TNIP2: variants seen among roughly 807,000 people sequenced by gnomAD.
The protein encoded by TNIP2 is TNFAIP3 interacting protein 2.
In TNIP2, 30 loss-of-function variants were observed where a neutral mutation model predicts 43.7. That is an observed-to-expected ratio of 0.69 (90% CI 0.51 to 0.93). The LOEUF (loss-of-function observed/expected upper bound fraction) is 0.93. TNIP2 is among the 40% of genes least tolerant of loss of function. TNIP2 has a pLI of 0.00. For missense variants in TNIP2, 599 were observed against 591.0 expected (o/e 1.01, Z -0.14); for synonymous variants, 260 against 254.6 (o/e 1.02, Z -0.20).
intron 1 of TNIP2, among the ~76,000 whole-genome samples, chr4:2,754,480 A>G (rs1722176443): frequency 1.3e-5 from 2 of 152,208 alleles, no homozygotes; most frequent in South Asian, 2.1e-4. Flanking sequence ...GCAGTGGCAC[A>G]ATCTCGGCTC....
rs986696953 is a variant in TNIP2 at position 2,742,097 on chromosome 4, T to C, written c.*160A>G. ...GTTCCCTGTGACCCAGCCTGTTCCA[T>C]AGCCAAAGGGACCAAAGTGAACGAT... is the stretch of plus-strand genomic sequence containing the variant. On this transcript the variant is annotated 3_prime_UTR_variant, in exon 6 of 6. Transcript: ENST00000315423. 4.5e-6 allele frequency: 3 copies of C among 672,456 alleles called. No homozygotes were observed. The highest frequency in any genetic ancestry group is 1.9e-5 in the African/African-American group (1 of 53,382). 41.7% of individuals were successfully genotyped at this position (672,456 alleles called of 1,614,324 possible). A position where few individuals can be genotyped will look rare whatever the true frequency, so the allele number is the denominator to read the frequency against.
intron 1 of TNIP2, 31 bp from the exon 2 acceptor site, chr4:2,747,976 T>C: frequency 1.3e-6 from 2 of 1,599,964 alleles, no homozygotes; most frequent in Non-Finnish European, 1.7e-6. Context: ...CACAGTTTAC[T>C]GAATTAAAAG....
chr4:2,753,585 C>T (rs1348782075), intron 1 of TNIP2, among the ~76,000 whole-genome samples: 2 of 152,208 alleles, frequency 1.3e-5, no homozygotes, highest in East Asian at 1.9e-4. Context: ...TGGTGAGTGG[C>T]CAGATACACA....
intron 1 of TNIP2, among the ~76,000 whole-genome samples, chr4:2,750,612 A>AC (rs1271587487): frequency 6.7e-6 from 1 of 150,334 alleles, no homozygotes; most frequent in Non-Finnish European, 1.5e-5. Context: ...GTGCCACTGC[A>AC]CTCTAGCCTG....
At chr4:2,745,409 A>G (rs1721919332) in intron 3 of TNIP2, 37 bp downstream of exon 3, 3 of 1,477,040 alleles carry the variant, frequency 2.0e-6, no homozygotes, top group Non-Finnish European at 2.8e-6. Flanking sequence ...TTTGTAAGCC[A>G]TGTGTTCTTC....
chr4:2,754,708 T>C (rs970788676), intron 1 of TNIP2, among the ~76,000 whole-genome samples: 2 of 152,132 alleles, frequency 1.3e-5, no homozygotes, highest in Non-Finnish European at 2.9e-5. Flanking sequence ...AGCCACCGCG[T>C]CCGGACCCTT....
At chr4:2,755,018 C>G (rs1303613802) in intron 1 of TNIP2, among the ~76,000 whole-genome samples, 2 of 152,184 alleles carry the variant, frequency 1.3e-5, no homozygotes, top group Admixed American at 1.3e-4. Flanking sequence ...GCCACTGCAC[C>G]CAGCCTAGGA....
chr4:2,744,406 T>G lies in TNIP2; in HGVS notation c.1007A>C (p.His336Pro), dbSNP rs1054225729. Reference protein sequence around the residue: ...ELEEKVASLLHQVSWRQDSRE... With the variant: ...ELEEKVASLLPQVSWRQDSRE... ...CTCTACCTGTCTCCAGGACACCTGG[T>G]GCAGCAAAGAGGCGACCTTTTCCTC... The change falls in exon 5 of 6, where the codon CAC (histidine) becomes CCC (proline). Residue 336 changes from histidine (H) to proline (P), a missense_variant. By Grantham distance (77) the His-to-Pro change is moderately conservative. Coordinates refer to ENST00000315423, the MANE Select transcript of TNIP2 (RefSeq NM_024309.4). The surrounding 1 kb of genome is among the most constrained non-coding windows in gnomAD (Gnocchi z 5.1). The G allele has an allele frequency of 1.9e-6, 3 of 1,614,078 alleles. No individual in the cohort carries two copies. The highest frequency in any genetic ancestry group is 2.5e-6 in the Non-Finnish European group (3 of 1,180,044).
At chr4:2,748,774 G>C (rs555194295) in intron 1 of TNIP2, among the ~76,000 whole-genome samples, 1 of 149,940 alleles carries the variant, frequency 6.7e-6, no homozygotes, top group African/African-American at 2.5e-5. Context: ...GATTATAGGC[G>C]TGAGCCACTG....
In TNIP2 at chr4:2,744,560, C is replaced by T. The variant is rs1380477454; in HGVS notation, c.907-54G>A. On this transcript the variant is annotated intron_variant, in intron 4 of 5. Transcript: ENST00000315423. The surrounding 1 kb of genome is among the most constrained non-coding windows in gnomAD (Gnocchi z 5.1). ...CTCAAGGAAGGAGGAAGCGCCCCAC[C>T]AGGCTTCTCCCACCCCCACAGTGAC... The T allele has an allele frequency of 4.3e-6, 7 of 1,609,774 alleles. No individual in the cohort carries two copies. Among genetic ancestry groups the T allele is most frequent in the Non-Finnish European group, 5.9e-6 (7 of 1,178,136 alleles).
chr4:2,751,615 C>CA (rs1722104312), intron 1 of TNIP2, among the ~76,000 whole-genome samples: 1 of 151,658 alleles, frequency 6.6e-6, no homozygotes, highest in African/African-American at 2.4e-5. Flanking sequence ...ACAAAAAATA[C>CA]AAAAAACATT....
rs975959358 is a variant in TNIP2, at chr4:2,744,786, T to C, written c.817A>G (p.Asn273Asp). 6.2e-7 allele frequency: 1 copy of C among 1,612,666 alleles called. No individual in the cohort carries two copies. Among genetic ancestry groups the C allele is most frequent in the Non-Finnish European group, 8.5e-7 (1 of 1,180,048 alleles). The change falls in exon 4 of 6, where the codon AAT (asparagine) becomes GAT (aspartate). Residue 273 changes from asparagine to aspartate, a missense_variant. Transcript: ENST00000315423. The surrounding 1 kb of genome is among the most constrained non-coding windows in gnomAD (Gnocchi z 5.1). ...RLNRQLEEKINDCAEVKQELA... is the reference protein window; with the variant it reads ...RLNRQLEEKIDDCAEVKQELA... ...TCCTGCTTCACTTCGGCACAGTCAT[T>C]TATTTTCTCTTCCAACTGTCTGTTG...
chr4:2,756,306 G>A lies in TNIP2; in HGVS notation c.-17C>T, dbSNP rs1043694364. ...CCGGGACATGGCTGTAGGCCCGCCC[G>A]GGAGGCCGCGCGGCCGCCGGCAACT... On this transcript the variant is annotated 5_prime_UTR_variant, in exon 1 of 6. Coordinates refer to ENST00000315423, the MANE Select transcript of TNIP2 (RefSeq NM_024309.4). 29 of 1,217,816 alleles carry A rather than the reference G, an allele frequency of 2.4e-5. No homozygotes were observed. Among genetic ancestry groups the A allele is most frequent in the Non-Finnish European group, 2.9e-5 (28 of 979,808 alleles). 75.4% of individuals were successfully genotyped at this position (1,217,816 alleles called of 1,614,324 possible).
At chr4:2,751,322 C>A (rs1722097238) in intron 1 of TNIP2, among the ~76,000 whole-genome samples, 1 of 152,212 alleles carries the variant, frequency 6.6e-6, no homozygotes, top group South Asian at 2.1e-4. Context: ...TGACATCTCT[C>A]AGGAAAGCCT....
In TNIP2 at chr4:2,743,731, C is replaced by T. The variant is rs1577306057; in HGVS notation, c.1026+656G>A. On this transcript the variant is annotated intron_variant, in intron 5 of 5. Coordinates refer to ENST00000315423, the MANE Select transcript of TNIP2 (RefSeq NM_024309.4). ...GGAGAGGAAGCTCTTTGAGTGGGGC[C>T]CAGGCTATTCCCAGGGCCAAAAGTG... 6.6e-5 allele frequency among the ~76,000 whole-genome samples: 10 copies of T among 152,302 alleles called. 1 individual carries two copies. In the South Asian group the frequency reaches 2.1e-3, roughly 32 times the overall value.
chr4:2,746,999 G>T (rs1285707302), intron 2 of TNIP2, among the ~76,000 whole-genome samples: 1 of 152,190 alleles, frequency 6.6e-6, no homozygotes, highest in African/African-American at 2.4e-5. Context: ...TATCCTGGAG[G>T]TCCAGCGAAC....
At chr4:2,754,630 A>G (rs1327303353) in intron 1 of TNIP2, among the ~76,000 whole-genome samples, 2 of 152,180 alleles carry the variant, frequency 1.3e-5, no homozygotes, top group Non-Finnish European at 2.9e-5. Flanking sequence ...GTTAGCCAGG[A>G]TGGTCTCAAT....
intron 1 of TNIP2, among the ~76,000 whole-genome samples, chr4:2,752,263 G>A (rs865797149): frequency 6.6e-6 from 1 of 152,210 alleles, no homozygotes; most frequent in Non-Finnish European, 1.5e-5. Context: ...CTGGTCCCGA[G>A]AATGGTGACA....
chr4:2,749,723 C>T (rs1722054284), intron 1 of TNIP2, among the ~76,000 whole-genome samples: 5 of 152,302 alleles, frequency 3.3e-5, no homozygotes, highest in Admixed American at 2.6e-4. Context: ...GCTTGAAGCC[C>T]CCCAGTTTGT....
Sources: allele counts gnomAD v4.1 joint callset (sites outside exome capture counted in the v4.1 genomes callset), GRCh38; gene constraint gnomAD v4.1.1; non-coding constraint Gnocchi (gnomAD v3.1); transcripts MANE v1.5; gene names NCBI Gene and HGNC (gene_info 2026-07-23, HGNC 2026-07-21).